EPHX4: variants seen among roughly 807,000 people sequenced by gnomAD.
EPHX4 encodes the protein epoxide hydrolase 4.
A neutral mutation model predicts 44.9 loss-of-function variants in EPHX4; 31 were observed. That is an observed-to-expected ratio of 0.69 (90% CI 0.52 to 0.93). EPHX4 has a LOEUF of 0.93. Ranked by LOEUF, EPHX4 falls within the 40% of genes least tolerant of loss-of-function variation. The pLI is 0.00. For missense variants in EPHX4, 373 were observed against 438.1 expected, an observed-to-expected ratio of 0.85 and a Z score of 1.33; for synonymous variants, 151 against 159.7, an observed-to-expected ratio of 0.95 and a Z score of 0.41.
chr1:92,036,094 C>G (rs1376052717), intron 2 of EPHX4, among the ~76,000 whole-genome samples: 2 of 152,136 alleles, frequency 1.3e-5, no homozygotes, highest in Non-Finnish European at 2.9e-5. Context: ...AATCATCATC[C>G]TAAATAAAAT....
chr1:92,036,143 A>G (rs1688434035), intron 2 of EPHX4, among the ~76,000 whole-genome samples: 1 of 152,234 alleles, frequency 6.6e-6, no homozygotes, highest in Non-Finnish European at 1.5e-5. Flanking sequence ...TTTTAGAAAG[A>G]AAACATTTGA....
intron 2 of EPHX4, among the ~76,000 whole-genome samples, chr1:92,034,842 T>C (rs1177595418): frequency 6.6e-6 from 1 of 152,058 alleles, no homozygotes; most frequent in African/African-American, 2.4e-5. Context: ...TTTTACCATG[T>C]TAAACAGGCC....
intron 6 of EPHX4, among the ~76,000 whole-genome samples, chr1:92,054,993 T>TTTTTTTGTGATAAA (rs1647332142): frequency 1.3e-5 from 2 of 152,156 alleles, no homozygotes; most frequent in African/African-American, 4.8e-5. Context: ...CGTATGTATA[T>TTTTTTTGTGATAAA]ATATGCTAAT....
At chr1:92,036,279 A>G (rs1688435578) in intron 2 of EPHX4, among the ~76,000 whole-genome samples, 1 of 152,206 alleles carries the variant, frequency 6.6e-6, no homozygotes, top group East Asian at 1.9e-4. Context: ...AACCACTTTC[A>G]TACAGGGCAG....
At position 92,039,048 on chromosome 1, in the gene EPHX4, G is replaced by T. The variant is rs142409144; in HGVS notation, c.318-3775G>T. ...ACCATACAAGAAGCACTTAGAATTG[G>T]GCCTGGTATGTAGTAAGAATGGTAT... On this transcript the variant is annotated intron_variant, in intron 2 of 6. Transcript: ENST00000370383. Among the ~76,000 whole-genome samples the T allele has an allele frequency of 9.7e-4, 148 of 152,176 alleles. 1 individual carries two copies. The East Asian group carries it at 0.015, about 16-fold the overall frequency.
chr1:92,032,676 C>A, intron 2 of EPHX4, 86 bp downstream of exon 2: 1 of 1,103,230 alleles, frequency 9.1e-7, no homozygotes, highest in Admixed American at 1.7e-5. Flanking sequence ...CAGAATATCA[C>A]AGTCTGGGTA....
intron 2 of EPHX4, among the ~76,000 whole-genome samples, chr1:92,039,386 T>G (rs1383197020): frequency 6.6e-6 from 1 of 152,194 alleles, no homozygotes; most frequent in East Asian, 1.9e-4. Context: ...GACAAGAGTG[T>G]TTAAATAAAT....
chr1:92,050,760 A>G (rs1250892815), intron 5 of EPHX4, among the ~76,000 whole-genome samples: 1 of 152,092 alleles, frequency 6.6e-6, no homozygotes. Flanking sequence ...CAAAGTAAAC[A>G]TTCAGATATT....
chr1:92,053,114 A>G (rs765398824), intron 6 of EPHX4, among the ~76,000 whole-genome samples: 71 of 152,336 alleles, frequency 4.7e-4, no homozygotes, highest in Non-Finnish European at 8.1e-4. Context: ...CACAGTAATG[A>G]GTGAATAGTT....
intron 6 of EPHX4, 113 bp from the exon 7 acceptor site, chr1:92,062,941 CT>C (rs1648878371): frequency 1.1e-6 from 1 of 891,796 alleles, no homozygotes. Flanking sequence ...AATTTTCACC[CT>C]TTTAGAGGCA....
intron 2 of EPHX4, among the ~76,000 whole-genome samples, chr1:92,036,901 T>C (rs1163986583): frequency 6.6e-6 from 1 of 152,088 alleles, no homozygotes; most frequent in African/African-American, 2.4e-5. Flanking sequence ...TCAATCAAAT[T>C]GCCACTGTTA....
chr1:92,057,535 A>G (rs1243504526), intron 6 of EPHX4, among the ~76,000 whole-genome samples: 1 of 152,224 alleles, frequency 6.6e-6, no homozygotes, highest in Non-Finnish European at 1.5e-5. Flanking sequence ...AAGCATATCT[A>G]TAATAACACA....
chr1:92,047,275 G>A (rs913431779), intron 4 of EPHX4, among the ~76,000 whole-genome samples: 1 of 152,098 alleles, frequency 6.6e-6, no homozygotes, highest in Non-Finnish European at 1.5e-5. Context: ...TGGGTGTGGT[G>A]GTGTGCACCT....
chr1:92,033,216 C>T (rs1688387110), intron 2 of EPHX4, among the ~76,000 whole-genome samples: 1 of 151,932 alleles, frequency 6.6e-6, no homozygotes, highest in African/African-American at 2.4e-5. Context: ...CGCCAAGCCT[C>T]TTGTAATGAC....
Position 92,030,155 on chromosome 1 carries a change from T to G in EPHX4, c.76T>G (p.Cys26Gly), listed in dbSNP as rs1193324637. 1.2e-6 allele frequency: 2 copies of G among 1,612,742 alleles called. No individual in the cohort carries two copies. Among genetic ancestry groups the G allele is most frequent in the Admixed American group, 3.3e-5 (2 of 59,940 alleles). The change falls in exon 1 of 7, where the codon TGC (cysteine) becomes GGC (glycine). Residue 26 changes from cysteine (C) to glycine (G), a missense_variant. Cys to Gly is a radical substitution (Grantham distance 159). Coordinates refer to ENST00000370383, the MANE Select transcript of EPHX4 (RefSeq NM_173567.5). ...CCTGCTCTTCTGGTCCCTGGTCTAC[T>G]GCTACTGCGGGCTCTGCGCCTCCAT... ...RSLLFWSLVY[C>G]YCGLCASIHL... is the part of the protein sequence containing the mutation.
intron 6 of EPHX4, among the ~76,000 whole-genome samples, chr1:92,054,370 C>T (rs148867011): frequency 8.5e-4 from 130 of 152,204 alleles, no homozygotes; most frequent in African/African-American, 3.0e-3. Flanking sequence ...GGACAGATCA[C>T]CTGAGGTCAG....
At chr1:92,053,943 G>C (rs572767412) in intron 6 of EPHX4, among the ~76,000 whole-genome samples, 1 of 152,124 alleles carries the variant, frequency 6.6e-6, no homozygotes, top group Non-Finnish European at 1.5e-5. Context: ...AGTCACTGAC[G>C]TAGAGACAAG....
At chr1:92,056,812 T>C (rs1647380371) in intron 6 of EPHX4, among the ~76,000 whole-genome samples, 1 of 152,022 alleles carries the variant, frequency 6.6e-6, no homozygotes, top group African/African-American at 2.4e-5. Context: ...TTACAAATAT[T>C]GATTACCTAC....
intron 2 of EPHX4, among the ~76,000 whole-genome samples, chr1:92,041,196 A>G (rs996995775): frequency 2.6e-5 from 4 of 152,116 alleles, no homozygotes; most frequent in African/African-American, 9.7e-5. Context: ...TGGCTGCAGC[A>G]CTGTGGCCCT....
Sources: allele counts gnomAD v4.1 joint callset (sites outside exome capture counted in the v4.1 genomes callset), GRCh38; gene constraint gnomAD v4.1.1; transcripts MANE v1.5; gene names NCBI Gene and HGNC (gene_info 2026-07-23, HGNC 2026-07-21).